The following NBEAL1 variants were observed in gnomAD, a reference collection of about 807,000 sequenced individuals.
The protein encoded by NBEAL1 is neurobeachin-like protein 1.
In NBEAL1, 273 loss-of-function variants were observed where a neutral mutation model predicts 351.3. The observed-to-expected ratio is 0.78, with a 90% CI of 0.70 to 0.86. The LOEUF is 0.86. Ranked by LOEUF, NBEAL1 falls within the 40% of genes least tolerant of loss-of-function variation. The probability of loss-of-function intolerance (pLI) is 0.00; values close to 1 mark genes in which losing one functional copy is unlikely to be tolerated. For synonymous variants in NBEAL1, 1,050 were observed against 1,086.4 expected, an observed-to-expected ratio of 0.97 and a Z score of 0.66; for missense variants, 2,961 against 3,201.3, an observed-to-expected ratio of 0.92 and a Z score of 1.81.
rs1220563503 is a variant in NBEAL1 at position 203,108,005 on chromosome 2, A to C, written c.1766A>C (p.Lys589Thr). 6 of 1,554,366 alleles carry C rather than the reference A, an allele frequency of 3.9e-6. No homozygotes were observed. The highest frequency in any genetic ancestry group is 5.2e-6 in the Non-Finnish European group (6 of 1,147,880). Residue 589 changes from lysine to threonine, a missense_variant, in exon 14 of 56, where the codon AAA becomes ACA. Physicochemically the swap from Lys to Thr is moderately conservative, Grantham distance 78 (BLOSUM62 -1). Transcript: ENST00000683969. ...VTRAILTMAR[K>T]LSLESALQYF... The stretch of plus-strand genomic sequence containing the variant: ...CGAGCAATCCTGACAATGGCCCGAA[A>C]ACTAAGTCTAGAGAGTGCCCTCCAG...
chr2:203,116,302 A>G (rs1390704235), intron 18 of NBEAL1, among the ~76,000 whole-genome samples: 3 of 152,250 alleles, frequency 2.0e-5, no homozygotes, highest in Non-Finnish European at 4.4e-5. Flanking sequence ...TAATGGCAAT[A>G]GTTACAGTTG....
At position 203,211,039 on chromosome 2, in the gene NBEAL1, T is replaced by C; in HGVS notation, c.7867T>C (p.Cys2623Arg). 1 of 1,607,700 alleles carries C rather than the reference T, an allele frequency of 6.2e-7. No individual in the cohort carries two copies. The highest frequency in any genetic ancestry group is 8.5e-7 in the Non-Finnish European group (1 of 1,175,986). Residue 2623 changes from cysteine to arginine, a missense_variant, in exon 54 of 56, where the codon TGT (cysteine) becomes CGT (arginine). Cys to Arg is a radical substitution (Grantham distance 180). Transcript: ENST00000683969. ...QILKEQVSDICIIGEHIVTGS... is the reference protein window; with the variant it reads ...QILKEQVSDIRIIGEHIVTGS... ...CCTGAAGGAACAAGTATCAGATATATGTATAATCGGAGAACACATTGTCAC... is the reference window on the plus strand; with the variant it reads ...CCTGAAGGAACAAGTATCAGATATACGTATAATCGGAGAACACATTGTCAC...
At chr2:203,027,814 T>C (rs992284607) in intron 2 of NBEAL1, among the ~76,000 whole-genome samples, 1 of 152,042 alleles carries the variant, frequency 6.6e-6, no homozygotes, top group African/African-American at 2.4e-5. Flanking sequence ...TGAGGTCAAG[T>C]GATCTTCCTA....
intron 39 of NBEAL1, among the ~76,000 whole-genome samples, chr2:203,170,699 A>T (rs995116031): frequency 6.6e-6 from 1 of 152,214 alleles, no homozygotes; most frequent in African/African-American, 2.4e-5. Context: ...AAGACCCATC[A>T]GCAATTCTTT....
At chr2:203,081,821 G>T (rs1407400963) in intron 8 of NBEAL1, among the ~76,000 whole-genome samples, 1 of 152,224 alleles carries the variant, frequency 6.6e-6, no homozygotes, top group Admixed American at 6.5e-5. Flanking sequence ...ACATACTGAG[G>T]CCGGGCATGG....
intron 27 of NBEAL1, among the ~76,000 whole-genome samples, chr2:203,134,248 T>C (rs2063146882): frequency 1.3e-5 from 2 of 152,164 alleles, no homozygotes; most frequent in East Asian, 1.9e-4. Context: ...TAGAAACAGC[T>C]CTCAGTGCAG....
intron 42 of NBEAL1, among the ~76,000 whole-genome samples, chr2:203,177,986 T>C (rs1242524459): frequency 6.7e-6 from 1 of 149,988 alleles, no homozygotes; most frequent in Non-Finnish European, 1.5e-5. Context: ...GTCACTGCAC[T>C]CCAGCCTGGG....
intron 18 of NBEAL1, among the ~76,000 whole-genome samples, chr2:203,121,460 C>G (rs1015391534): frequency 6.6e-6 from 1 of 152,030 alleles, no homozygotes; most frequent in African/African-American, 2.4e-5. Context: ...CGAGACCAGC[C>G]TGGCCAACAT....
intron 15 of NBEAL1, among the ~76,000 whole-genome samples, chr2:203,110,701 A>AT (rs1481146646): frequency 6.7e-6 from 1 of 148,870 alleles, no homozygotes; most frequent in Non-Finnish European, 1.5e-5. Flanking sequence ...AAATAAATAA[A>AT]TAAATAAATA....
chr2:203,016,580 C>A, intron 2 of NBEAL1, 145 bp downstream of exon 2: 1 of 483,200 alleles, frequency 2.1e-6, no homozygotes, highest in Non-Finnish European at 3.4e-6. Flanking sequence ...AAAGGATTTT[C>A]TGTTTTCCTC....
Position 203,133,100 on chromosome 2 carries a change from TATCTCAC to T in NBEAL1, c.3769_3775del (p.Ser1257GlufsTer4). On this transcript the variant is annotated frameshift_variant, in exon 27 of 56. Transcript: ENST00000683969. LOFTEE classifies it high-confidence loss of function. ...AAAGATCTACTATCTGTGGTATATA[TATCTCAC>T]AGAGCACATATAAATGTTAGAGTGG... 1 of 1,520,950 alleles carries T rather than the reference TATCTCAC, an allele frequency of 6.6e-7. No individual in the cohort carries two copies. The highest frequency in any genetic ancestry group is 8.9e-7 in the Non-Finnish European group (1 of 1,124,920). 94.2% of individuals were successfully genotyped at this position (1,520,950 alleles called of 1,614,324 possible).
chr2:203,184,075 A>T (rs1228050856), intron 44 of NBEAL1, among the ~76,000 whole-genome samples: 5 of 97,980 alleles, frequency 5.1e-5, no homozygotes, highest in African/African-American at 1.6e-4. Flanking sequence ...GAGACTGTCT[A>T]AAAAAAAAAA....
At chr2:203,050,344 G>A (rs189887991) in intron 4 of NBEAL1, among the ~76,000 whole-genome samples, 15 of 152,222 alleles carry the variant, frequency 9.9e-5, no homozygotes, top group Middle Eastern at 3.4e-3. Context: ...TAGTTGATAT[G>A]GAGCTTTAAA....
At chr2:203,216,296 A>G (rs2065895209) in intron 55 of NBEAL1, among the ~76,000 whole-genome samples, 2 of 152,136 alleles carry the variant, frequency 1.3e-5, no homozygotes. Context: ...CTGTTGTTAA[A>G]TATTATTTTT....
intron 2 of NBEAL1, among the ~76,000 whole-genome samples, chr2:203,036,209 G>A (rs2061037631): frequency 6.7e-6 from 1 of 149,362 alleles, no homozygotes; most frequent in Admixed American, 6.7e-5. Context: ...CTCAGCTTGA[G>A]ATTTAATTAA....
chr2:203,158,151 G>A (rs1244910510), intron 36 of NBEAL1, among the ~76,000 whole-genome samples: 4 of 151,954 alleles, frequency 2.6e-5, no homozygotes, highest in Admixed American at 1.3e-4. Context: ...AAAAGAAATA[G>A]CATTATAAAG....
At position 203,195,168 on chromosome 2, in the gene NBEAL1, G is replaced by A. The variant is rs113271188; in HGVS notation, c.7038+1257G>A. ...GAGATCACGCCACTGCACTCAGAGC[G>A]AGACTCCATCTCAAAAAAAAAAAAA... is the stretch of plus-strand genomic sequence containing the variant. On this transcript the variant is annotated intron_variant, in intron 47 of 55. Transcript: ENST00000683969. Among the ~76,000 whole-genome samples the A allele has an allele frequency of 5.7e-3, 861 of 150,136 alleles. 11 individuals are homozygous for A. The highest frequency in any genetic ancestry group is 0.019 in the African/African-American group (775 of 40,842).
intron 33 of NBEAL1, among the ~76,000 whole-genome samples, chr2:203,148,739 G>T (rs2063571985): frequency 6.6e-6 from 1 of 151,304 alleles, no homozygotes; most frequent in African/African-American, 2.4e-5. Flanking sequence ...CATTTTTGAA[G>T]TTCTTCACGT....
At chr2:203,192,385 A>AT (rs753136759) in intron 46 of NBEAL1, among the ~76,000 whole-genome samples, 4,616 of 144,714 alleles carry the variant, frequency 0.032, 120 homozygotes, top group Middle Eastern at 0.069. Flanking sequence ...TTAAAAGATA[A>AT]TTTTTTTTTT....
Sources: gnomAD v4.1 joint callset for allele counts (sites outside exome capture counted in the v4.1 genomes callset) on GRCh38, gnomAD v4.1.1 for gene constraint, MANE v1.5 for transcripts, NCBI Gene and HGNC (gene_info 2026-07-23, HGNC 2026-07-21) for gene names.